The following SHISA6 variants were observed in gnomAD, a reference collection of about 807,000 sequenced individuals.
The protein encoded by SHISA6 is protein shisa-6.
In SHISA6, 22 loss-of-function variants were observed where a neutral mutation model predicts 47.9. The observed-to-expected ratio is 0.46, with a 90% confidence interval of 0.33 to 0.66. The LOEUF is 0.66. Among genes scored for constraint, SHISA6 ranks in the 30% least tolerant of loss-of-function variants. SHISA6 has a pLI of 0.02. For missense variants in SHISA6, 680 were observed against 764.6 expected (o/e 0.89, Z 1.30); for synonymous variants, 388 against 337.8 (o/e 1.15, Z -1.63).
chr17:11,315,166 T>C (rs889079672), intron 2 of SHISA6, among the ~76,000 whole-genome samples: 4 of 152,196 alleles, frequency 2.6e-5, no homozygotes, highest in Admixed American at 2.0e-4. Flanking sequence ...TTAATCCTAG[T>C]GTTCTGATAC....
chr17:11,316,507 A>G lies in SHISA6; in HGVS notation c.799+52981A>G, dbSNP rs757044784. On this transcript the variant is annotated intron_variant, in intron 2 of 5. Transcript: ENST00000441885. ...GTGATCTTGGCTCACTGCAACCTCT[A>G]CCTCCTGGGTTCAAGTGATTCTCCT... Among the ~76,000 whole-genome samples, 5 of 140,592 alleles carry G rather than the reference A, an allele frequency of 3.6e-5. No individual in the cohort carries two copies. The East Asian group carries it at 6.3e-4, about 18-fold the overall frequency. 92.2% of individuals were successfully genotyped at this position (140,592 alleles called of 152,430 possible).
intron 2 of SHISA6, among the ~76,000 whole-genome samples, chr17:11,334,562 GT>G (rs1449370888): frequency 6.6e-6 from 1 of 152,156 alleles, no homozygotes; most frequent in African/African-American, 2.4e-5. Context: ...GCATGTCCAG[GT>G]TTTAGGTTTG....
chr17:11,468,838 T>C (rs568125838), intron 3 of SHISA6, among the ~76,000 whole-genome samples: 1 of 151,872 alleles, frequency 6.6e-6, no homozygotes, highest in African/African-American at 2.4e-5. Flanking sequence ...CTGGCCAACA[T>C]GGTGTAACCC....
chr17:11,499,165 C>A (rs1259955023), intron 3 of SHISA6, among the ~76,000 whole-genome samples: 1 of 152,120 alleles, frequency 6.6e-6, no homozygotes, highest in East Asian at 1.9e-4. Context: ...CCTAGAACTA[C>A]CCTGGGGCAG....
chr17:11,362,878 G>A (rs191833028), intron 2 of SHISA6, among the ~76,000 whole-genome samples: 44 of 152,196 alleles, frequency 2.9e-4, no homozygotes, highest in African/African-American at 8.2e-4. Flanking sequence ...TTACCTTTCC[G>A]TGAAACAAAT....
At chr17:11,298,357 G>A (rs1237546140) in intron 2 of SHISA6, among the ~76,000 whole-genome samples, 1 of 152,206 alleles carries the variant, frequency 6.6e-6, no homozygotes, top group African/African-American at 2.4e-5. Context: ...ATTTGTGCTC[G>A]TGAGTTTAAT....
intron 2 of SHISA6, among the ~76,000 whole-genome samples, chr17:11,356,019 C>T (rs899040563): frequency 2.0e-5 from 3 of 152,192 alleles, no homozygotes; most frequent in Non-Finnish European, 4.4e-5. Context: ...AAAGAATGGT[C>T]CAAATCTGCC....
chr17:11,545,170 T>C (rs1238815341), intron 3 of SHISA6, among the ~76,000 whole-genome samples: 1 of 147,032 alleles, frequency 6.8e-6, no homozygotes, highest in Non-Finnish European at 1.5e-5. Flanking sequence ...AAAAAAAGTA[T>C]GATACATCCA....
chr17:11,554,884 AC>A (rs1467474300), intron 4 of SHISA6, among the ~76,000 whole-genome samples: 1 of 151,942 alleles, frequency 6.6e-6, no homozygotes, highest in Non-Finnish European at 1.5e-5. Context: ...AGCCCAGCGC[AC>A]ACTGCACTGG....
chr17:11,530,302 T>C (rs1309532579), intron 3 of SHISA6, among the ~76,000 whole-genome samples: 2 of 152,180 alleles, frequency 1.3e-5, no homozygotes, highest in African/African-American at 2.4e-5. Context: ...TGTATTGATG[T>C]AGCTGAATGC....
At chr17:11,419,540 G>C (rs975917846) in intron 3 of SHISA6, among the ~76,000 whole-genome samples, 1 of 152,170 alleles carries the variant, frequency 6.6e-6, no homozygotes, top group African/African-American at 2.4e-5. Context: ...TGAACCGTTA[G>C]GAGTTTAGGC....
intron 3 of SHISA6, among the ~76,000 whole-genome samples, chr17:11,393,060 CATCT>C (rs1303011509): frequency 6.6e-6 from 1 of 152,246 alleles, no homozygotes; most frequent in African/African-American, 2.4e-5. Context: ...CAAATTCTGT[CATCT>C]TAGCCTTTTC....
At chr17:11,339,427 C>CG (rs869267340) in intron 2 of SHISA6, among the ~76,000 whole-genome samples, 7 of 8,624 alleles carry the variant, frequency 8.1e-4, no homozygotes, top group East Asian at 2.2e-3. Flanking sequence ...ATTCACTACA[C>CG]CCCCCCTCCT....
At chr17:11,398,909 A>G (rs962351409) in intron 3 of SHISA6, among the ~76,000 whole-genome samples, 1 of 150,222 alleles carries the variant, frequency 6.7e-6, no homozygotes, top group African/African-American at 2.4e-5. Context: ...ACTTTTGATC[A>G]TTCTTGGGCC....
chr17:11,423,095 C>T (rs907242654), intron 3 of SHISA6, among the ~76,000 whole-genome samples: 5 of 151,638 alleles, frequency 3.3e-5, no homozygotes, highest in Non-Finnish European at 5.9e-5. Flanking sequence ...CAATAACCTA[C>T]AGGATTAGAT....
chr17:11,555,092 G>A (rs1000748985), intron 4 of SHISA6, among the ~76,000 whole-genome samples: 2 of 152,154 alleles, frequency 1.3e-5, no homozygotes, highest in African/African-American at 4.8e-5. Flanking sequence ...CTTTCCTCCA[G>A]CAGCTTAGAG....
intron 3 of SHISA6, among the ~76,000 whole-genome samples, chr17:11,404,505 C>A (rs1480568411): frequency 2.0e-5 from 3 of 152,126 alleles, no homozygotes; most frequent in Non-Finnish European, 4.4e-5. Flanking sequence ...ATGGCAATTT[C>A]CTTCTGTTTG....
chr17:11,536,974 G>A (rs1015548195), intron 3 of SHISA6, among the ~76,000 whole-genome samples: 1 of 152,296 alleles, frequency 6.6e-6, no homozygotes, highest in Admixed American at 6.5e-5. Flanking sequence ...CTGTCCTGAA[G>A]ACGCGGATCA....
At chr17:11,520,479 C>T (rs557160370) in intron 3 of SHISA6, among the ~76,000 whole-genome samples, 1 of 152,326 alleles carries the variant, frequency 6.6e-6, no homozygotes, top group South Asian at 2.1e-4. Flanking sequence ...AGCCTCCTTA[C>T]TGGCCCGGGG....
Sources: gnomAD v4.1 joint callset for allele counts (sites outside exome capture counted in the v4.1 genomes callset) on GRCh38, gnomAD v4.1.1 for gene constraint, MANE v1.5 for transcripts, NCBI Gene and HGNC (gene_info 2026-07-23, HGNC 2026-07-21) for gene names.